The following CDH23 variants were observed in gnomAD, a reference collection of about 807,000 sequenced individuals.
CDH23 encodes the protein cadherin-23.
A neutral mutation model predicts 317.1 loss-of-function variants in CDH23; 189 were observed. The ratio of observed to expected loss-of-function variants is 0.60; its 90% confidence interval spans 0.53 to 0.67. CDH23 has a LOEUF of 0.67. Among genes scored for constraint, CDH23 ranks in the 30% least tolerant of loss-of-function variants. The probability of loss-of-function intolerance (pLI) is 0.00; values close to 1 mark genes in which losing one functional copy is unlikely to be tolerated. For synonymous variants in CDH23, 1,839 were observed against 1,876.8 expected (o/e 0.98, Z 0.52); for missense variants, 4,401 against 4,592.4 (o/e 0.96, Z 1.20).
intron 24 of CDH23, among the ~76,000 whole-genome samples, chr10:71,703,548 T>A (rs1454434987): frequency 6.6e-6 from 1 of 152,216 alleles, no homozygotes; most frequent in Non-Finnish European, 1.5e-5. Context: ...GTAGCTGTGG[T>A]GATCACTGTG....
At chr10:71,461,005 A>T (rs1850952373) in intron 3 of CDH23, among the ~76,000 whole-genome samples, 1 of 152,236 alleles carries the variant, frequency 6.6e-6, no homozygotes, top group Non-Finnish European at 1.5e-5. Flanking sequence ...TAGTGCAGGG[A>T]CTTAGTGCAC....
chr10:71,604,433 C>T (rs1860413003), intron 9 of CDH23, among the ~76,000 whole-genome samples: 1 of 152,208 alleles, frequency 6.6e-6, no homozygotes, highest in Admixed American at 6.5e-5. Context: ...GAAACGTCAG[C>T]CCTTGTTATT....
chr10:71,811,554 T>C lies in CDH23; in HGVS notation c.9242T>C (p.Met3081Thr). The C allele has an allele frequency of 6.2e-7, 1 of 1,613,998 alleles. No homozygotes were observed. The highest frequency in any genetic ancestry group is 8.5e-7 in the Non-Finnish European group (1 of 1,179,886). ...GCTATCCTCCTGTTCCTGGCCGCCA[T>C]GCTCTTTGTCCTCATGAACTGGTAC... ...VLAILLFLAA[M>T]LFVLMNWYYR... Residue 3081 changes from methionine to threonine, a missense_variant, in exon 64 of 70, where the codon ATG (methionine) becomes ACG (threonine). By Grantham distance (81) the Met-to-Thr change is moderately conservative. This residue lies in a region of CDH23 where 1,144 missense variants were observed against 1,138.2 expected (regional missense o/e 1.01). Coordinates refer to ENST00000224721, the MANE Select transcript of CDH23 (RefSeq NM_022124.6).
intron 6 of CDH23, among the ~76,000 whole-genome samples, chr10:71,517,746 C>T (rs1854418193): frequency 6.6e-6 from 1 of 152,226 alleles, no homozygotes; most frequent in African/African-American, 2.4e-5. Flanking sequence ...ACCTATTGAT[C>T]TGGGAGAGGG....
intron 9 of CDH23, among the ~76,000 whole-genome samples, chr10:71,581,337 T>C (rs951144823): frequency 6.6e-6 from 1 of 152,134 alleles, no homozygotes; most frequent in Non-Finnish European, 1.5e-5. Context: ...ATGGGTGACT[T>C]GAGTCTCTGG....
chr10:71,455,261 T>C (rs1014863300), intron 3 of CDH23, among the ~76,000 whole-genome samples: 4 of 152,192 alleles, frequency 2.6e-5, no homozygotes, highest in African/African-American at 9.7e-5. Context: ...ACATCTTGCA[T>C]AACCATGATA....
chr10:71,811,068 C>A (rs527285428), intron 62 of CDH23, among the ~76,000 whole-genome samples: 2 of 111,600 alleles, frequency 1.8e-5, no homozygotes, highest in Admixed American at 2.5e-4. Flanking sequence ...GGCAACAGAG[C>A]AAGACTCCAT....
intron 2 of CDH23, among the ~76,000 whole-genome samples, chr10:71,444,791 A>G (rs1347524064): frequency 6.6e-6 from 1 of 152,188 alleles, no homozygotes; most frequent in East Asian, 1.9e-4. Flanking sequence ...GCCCCGGGTC[A>G]GCAGAAAGGA....
intron 2 of CDH23, among the ~76,000 whole-genome samples, chr10:71,442,521 G>A (rs1849939692): frequency 6.6e-6 from 1 of 152,166 alleles, no homozygotes; most frequent in African/African-American, 2.4e-5. Context: ...CTGGTAGTCA[G>A]GGATGGGTAG....
intron 1 of CDH23, among the ~76,000 whole-genome samples, chr10:71,417,266 A>G (rs147290420): frequency 0.027 from 4,116 of 151,888 alleles, 129 homozygotes; most frequent in East Asian, 0.079. Flanking sequence ...TAGTAGAGAC[A>G]GGGTTTCACC....
chr10:71,516,731 C>T (rs1054436954), intron 6 of CDH23, among the ~76,000 whole-genome samples: 8 of 152,170 alleles, frequency 5.3e-5, no homozygotes, highest in African/African-American at 1.9e-4. Flanking sequence ...ACATGGCATG[C>T]CCAAAGCTAG....
At chr10:71,688,689 A>G (rs866066623) in intron 19 of CDH23, among the ~76,000 whole-genome samples, 117 of 14,510 alleles carry the variant, frequency 8.1e-3, no homozygotes, top group Admixed American at 0.012. Context: ...GGTGGAGCCA[A>G]CGGTGGTGGA....
chr10:71,729,291 G>T (rs1366061284), intron 30 of CDH23, among the ~76,000 whole-genome samples: 1 of 152,202 alleles, frequency 6.6e-6, no homozygotes, highest in African/African-American at 2.4e-5. Flanking sequence ...AGCAAACCCT[G>T]AGACAAGGAT....
Position 71,677,586 on chromosome 10 carries a change from A to T in CDH23, c.1645A>T (p.Ile549Phe), listed in dbSNP as rs1864426938. The change falls in exon 16 of 70, where the codon ATC becomes TTC. Residue 549 changes from isoleucine (I) to phenylalanine (F), a missense_variant. Ile to Phe is a conservative substitution (Grantham distance 21, BLOSUM62 0). This residue lies in a region of CDH23 where 3,068 missense variants were observed against 3,203.3 expected (regional missense o/e 0.96). Transcript: ENST00000224721. ...CGAGGAGACCACAGGCCGGGTCAGG[A>T]TCAATGTGTTGGATGTCAACGACAA... is the stretch of plus-strand genomic sequence containing the variant. ...GGEETTGRVR[I>F]NVLDVNDNVP... is the part of the protein sequence containing the mutation. 6.2e-7 allele frequency: 1 copy of T among 1,609,658 alleles called. No homozygotes were observed. The highest frequency in any genetic ancestry group is 8.5e-7 in the Non-Finnish European group (1 of 1,178,398).
intron 14 of CDH23, among the ~76,000 whole-genome samples, chr10:71,665,379 C>A (rs961562802): frequency 6.6e-6 from 1 of 152,224 alleles, no homozygotes; most frequent in African/African-American, 2.4e-5. Context: ...CATCTCGGAG[C>A]CTCTGTTCCT....
intron 9 of CDH23, among the ~76,000 whole-genome samples, chr10:71,604,451 TTC>T (rs1860413986): frequency 6.6e-6 from 1 of 152,130 alleles, no homozygotes; most frequent in Non-Finnish European, 1.5e-5. Flanking sequence ...ATTGCCCCTT[TTC>T]TCTCTGCCAT....
rs201016188 is a variant in CDH23 at position 71,734,015 on chromosome 10, C to T, written c.4105-225C>T. Reference sequence around the variant, plus strand: ...ACTACAACAGAGGGGTAGTGGAGCCCCTCAGGGCCCAGCAGTCATACCTGG... The same window carrying T: ...ACTACAACAGAGGGGTAGTGGAGCCTCTCAGGGCCCAGCAGTCATACCTGG... On this transcript the variant is annotated intron_variant, in intron 32 of 69. Transcript: ENST00000224721. 5.9e-5 allele frequency among the ~76,000 whole-genome samples: 9 copies of T among 152,282 alleles called. No homozygotes were observed. The East Asian group carries it at 1.7e-3, about 29-fold the overall frequency.
In CDH23 at chr10:71,759,820, T is replaced by TACACAC. The variant is rs1289055534; in HGVS notation, c.4846-17838_4846-17833dup. Among the ~76,000 whole-genome samples the TACACAC allele has an allele frequency of 5.3e-3, 450 of 85,376 alleles. 50 individuals carry two copies. Among genetic ancestry groups the TACACAC allele is most frequent in the African/African-American group, 0.017 (415 of 24,474 alleles). The allele number at this position is 85,376 out of a possible 152,430, so 56.0% of individuals were successfully genotyped here. Reference sequence around the variant, plus strand: ...GAGTGAAACCGTGTTTCAGAAAATATACACACACACACACACACACACACA... The same window carrying TACACAC: ...GAGTGAAACCGTGTTTCAGAAAATATACACACACACACACACACACACACACACACA... On this transcript the variant is annotated intron_variant, in intron 38 of 69. Transcript: ENST00000224721.
intron 9 of CDH23, among the ~76,000 whole-genome samples, chr10:71,579,108 C>A (rs377578401): frequency 1.6e-4 from 25 of 152,252 alleles, no homozygotes; most frequent in African/African-American, 5.3e-4. Flanking sequence ...GCTTAGTTAA[C>A]GTATGTAAAG....
Sources: gnomAD v4.1 joint callset for allele counts (sites outside exome capture counted in the v4.1 genomes callset) on GRCh38, gnomAD v4.1.1 for gene constraint, gnomAD v4.1.1 regional missense constraint, MANE v1.5 for transcripts, NCBI Gene and HGNC (gene_info 2026-07-23, HGNC 2026-07-21) for gene names.